RECQL: variants seen among roughly 807,000 people sequenced by gnomAD.
The protein encoded by RECQL is ATP-dependent DNA helicase Q1.
RECQL carries 73 observed loss-of-function variants against 75.8 expected under a neutral mutation model. That is an observed-to-expected ratio of 0.96 (90% CI 0.80 to 1.17). The LOEUF (loss-of-function observed/expected upper bound fraction) is 1.17, where lower values mean the gene tolerates loss of function less well. RECQL is among the 50% of genes most tolerant of loss of function. The pLI is 0.00. For synonymous variants in RECQL, 248 were observed against 254.4 expected (o/e 0.97, Z 0.24); for missense variants, 699 against 772.1 (o/e 0.91, Z 1.12).
At chr12:21,489,140 C>T (rs970022341) in intron 4 of RECQL, among the ~76,000 whole-genome samples, 1 of 152,224 alleles carries the variant, frequency 6.6e-6, no homozygotes, top group Non-Finnish European at 1.5e-5. Context: ...ATTCTTATTG[C>T]AATTGCTTGC....
intron 10 of RECQL, 127 bp from the exon 11 acceptor site, chr12:21,475,106 T>G: frequency 1.1e-6 from 1 of 908,294 alleles, no homozygotes; most frequent in South Asian, 1.9e-5. Flanking sequence ...GATGTGGAAG[T>G]TAATTTGTAA....
intron 2 of RECQL, among the ~76,000 whole-genome samples, chr12:21,498,100 G>T (rs1372270245): frequency 6.6e-6 from 1 of 152,142 alleles, no homozygotes; most frequent in East Asian, 1.9e-4. Context: ...TCTGACCAAA[G>T]AACTCATTTA....
intron 2 of RECQL, among the ~76,000 whole-genome samples, chr12:21,494,614 A>G (rs1386191728): frequency 1.3e-5 from 2 of 152,142 alleles, no homozygotes; most frequent in Non-Finnish European, 2.9e-5. Flanking sequence ...TTTCCTGGGT[A>G]TGCTCTAAAG....
intron 4 of RECQL, among the ~76,000 whole-genome samples, chr12:21,488,368 T>C (rs931832188): frequency 6.6e-6 from 1 of 152,178 alleles, no homozygotes; most frequent in Non-Finnish European, 1.5e-5. Context: ...CCCTAAACTC[T>C]TGGTGTTCTG....
At chr12:21,486,453 A>T (rs1943297608) in intron 5 of RECQL, 26 bp downstream of exon 5, 1 of 1,062,604 alleles carries the variant, frequency 9.4e-7, no homozygotes, top group Non-Finnish European at 1.3e-6. Flanking sequence ...GTTTACATTA[A>T]AAAAAAAAAA....
intron 4 of RECQL, among the ~76,000 whole-genome samples, chr12:21,488,279 T>C (rs1943343651): frequency 6.6e-6 from 1 of 152,232 alleles, no homozygotes; most frequent in Non-Finnish European, 1.5e-5. Context: ...AGCCTTCTAA[T>C]AACATCATAC....
intron 1 of RECQL, among the ~76,000 whole-genome samples, chr12:21,500,506 C>T (rs2136789725): frequency 6.6e-6 from 1 of 152,332 alleles, no homozygotes; most frequent in African/African-American, 2.4e-5. Flanking sequence ...CTGAAGCCAC[C>T]ACTAGGCCGG....
chr12:21,473,859 G>A (rs1056174303), intron 11 of RECQL, among the ~76,000 whole-genome samples: 1 of 152,004 alleles, frequency 6.6e-6, no homozygotes, highest in African/African-American at 2.4e-5. Context: ...AGAGTGTCAG[G>A]TTCTTCTCAC....
At chr12:21,488,088 T>C (rs1039477149) in intron 4 of RECQL, among the ~76,000 whole-genome samples, 1 of 152,214 alleles carries the variant, frequency 6.6e-6, no homozygotes, top group African/African-American at 2.4e-5. Flanking sequence ...CCTCAATTCC[T>C]ACCTGCTTCA....
At chr12:21,471,246 G>T in intron 13 of RECQL, 148 bp from the exon 14 acceptor site, 2 of 1,030,384 alleles carry the variant, frequency 1.9e-6, no homozygotes, top group Non-Finnish European at 2.7e-6. Context: ...AGCCTTTAAA[G>T]AAAATATTTT....
intron 5 of RECQL, among the ~76,000 whole-genome samples, chr12:21,484,711 T>A (rs948279403): frequency 2.6e-5 from 4 of 151,930 alleles, no homozygotes; most frequent in African/African-American, 9.7e-5. Flanking sequence ...AGGCTCTCAC[T>A]GCCCAAGGAC....
chr12:21,483,306 T>C (rs1943226094), intron 6 of RECQL, 70 bp downstream of exon 6: 1 of 974,202 alleles, frequency 1.0e-6, no homozygotes. Flanking sequence ...AGCAGAGATT[T>C]CCATCATGCC....
chr12:21,490,422 T>C, intron 3 of RECQL, 44 bp from the exon 4 acceptor site: 1 of 1,313,588 alleles, frequency 7.6e-7, no homozygotes, highest in Non-Finnish European at 1.1e-6. Flanking sequence ...GTAAGACTAT[T>C]ATAGAAGTTT....
At chr12:21,491,485 TAAAAC>T in intron 3 of RECQL, 29 bp downstream of exon 3, 1 of 1,414,344 alleles carries the variant, frequency 7.1e-7, no homozygotes, top group Non-Finnish European at 9.2e-7. Flanking sequence ...TGAGAAGAAA[TAAAAC>T]TAGCAAAAAA....
rs1942892909 is a variant in RECQL, at chr12:21,469,932, A to AACTT, written c.*258_*261dup. 2.9e-6 allele frequency: 1 copy of AACTT among 347,904 alleles called. No individual in the cohort carries two copies. The highest frequency in any genetic ancestry group is 5.1e-6 in the Non-Finnish European group (1 of 197,734). The allele number at this position is 347,904 out of a possible 1,614,324, so 21.6% of individuals were successfully genotyped here. On this transcript the variant is annotated 3_prime_UTR_variant, in exon 15 of 15. Coordinates refer to ENST00000444129, the MANE Select transcript of RECQL (RefSeq NM_002907.4). ...ATAAAAAACTTAAGACGATTGTATGAACTTATTCTCAAATATTTTACATTT... is the reference window on the plus strand; with the variant it reads ...ATAAAAAACTTAAGACGATTGTATGAACTTACTTATTCTCAAATATTTTACATTT...
intron 4 of RECQL, among the ~76,000 whole-genome samples, chr12:21,488,803 T>C (rs1184277881): frequency 6.6e-6 from 1 of 152,188 alleles, no homozygotes; most frequent in Non-Finnish European, 1.5e-5. Context: ...AAATAATGAG[T>C]CTCTTACCTG....
chr12:21,492,056 T>C (rs904172353), intron 2 of RECQL, among the ~76,000 whole-genome samples: 3 of 152,234 alleles, frequency 2.0e-5, no homozygotes, highest in Non-Finnish European at 4.4e-5. Flanking sequence ...AAATATTTAA[T>C]ACATGATAAT....
In RECQL at chr12:21,483,410, G is replaced by A. The variant is rs1488031209; in HGVS notation, c.666C>T (p.His222=). 1 of 1,605,644 alleles carries A rather than the reference G, an allele frequency of 6.2e-7. No individual in the cohort carries two copies. Among genetic ancestry groups the A allele is most frequent in the Non-Finnish European group, 8.5e-7 (1 of 1,177,624 alleles). The change falls in exon 6 of 15, where the codon CAC becomes CAT. Residue 222 remains histidine, a synonymous_variant. Transcript: ENST00000444129. The part of the protein sequence containing the change: ...RFTRIAVDEV[H]CCSQWGHDFR... Reference sequence around the variant, plus strand: ...AATCATGTCCCCACTGACTACAGCAGTGAACTTCATCCACAGCAATTCGAG... The same window carrying A: ...AATCATGTCCCCACTGACTACAGCAATGAACTTCATCCACAGCAATTCGAG...
intron 6 of RECQL, among the ~76,000 whole-genome samples, 180 bp downstream of exon 6, chr12:21,483,195 TC>T (rs1565568983): frequency 1.3e-5 from 2 of 152,278 alleles, no homozygotes; most frequent in South Asian, 4.1e-4. Context: ...AGGTTGATCA[TC>T]CCAAATCCAA....
Sources: allele counts gnomAD v4.1 joint callset (sites outside exome capture counted in the v4.1 genomes callset), GRCh38; gene constraint gnomAD v4.1.1; transcripts MANE v1.5; gene names NCBI Gene and HGNC (gene_info 2026-07-23, HGNC 2026-07-21).